PIWIL1: variants seen among roughly 807,000 people sequenced by gnomAD.
The protein encoded by PIWIL1 is piwi like RNA-mediated gene silencing 1.
Under a neutral mutation model 114.4 loss-of-function variants are expected in PIWIL1, and 73 were observed. That is an observed-to-expected ratio of 0.64 (90% CI 0.53 to 0.78). PIWIL1 has a LOEUF of 0.78. Ranked by LOEUF, PIWIL1 falls within the 30% of genes least tolerant of loss-of-function variation. The probability of loss-of-function intolerance (pLI) is 0.00; values close to 1 mark genes in which losing one functional copy is unlikely to be tolerated. For missense variants in PIWIL1, 723 were observed against 1,063.1 expected (o/e 0.68, Z 4.45); for synonymous variants, 375 against 369.0 (o/e 1.02, Z -0.19).
the PIWIL1 span, among the ~76,000 whole-genome samples, chr12:130,386,343 T>A: frequency 6.6e-6 from 1 of 152,152 alleles, no homozygotes; most frequent in South Asian, 2.1e-4. Flanking sequence ...ATAAGCCCCC[T>A]TGAGCCCATC....
the PIWIL1 span, among the ~76,000 whole-genome samples, chr12:130,395,798 T>G: frequency 1.3e-5 from 2 of 152,186 alleles, no homozygotes; most frequent in African/African-American, 2.4e-5. Context: ...GGAAGTTATA[T>G]TTTGTTGTAT....
the PIWIL1 span, among the ~76,000 whole-genome samples, chr12:130,391,390 A>T: frequency 1.3e-5 from 2 of 152,222 alleles, no homozygotes; most frequent in Admixed American, 1.3e-4. Context: ...AGCCATCTCT[A>T]CAAGGATTTT....
At chr12:130,364,720 G>C (rs2073608465) in intron 18 of PIWIL1, among the ~76,000 whole-genome samples, 1 of 152,130 alleles carries the variant, frequency 6.6e-6, no homozygotes, top group Non-Finnish European at 1.5e-5. Context: ...TCTGTGTGGG[G>C]AGGTGTGGTG....
chr12:130,367,913 G>A (rs540821144), intron 19 of PIWIL1, among the ~76,000 whole-genome samples: 86 of 152,238 alleles, frequency 5.6e-4, no homozygotes, highest in African/African-American at 1.9e-3. Flanking sequence ...TTCTCATGCC[G>A]TAGCCTCCTG....
At chr12:130,385,055 A>G in the PIWIL1 span, among the ~76,000 whole-genome samples, 1 of 152,202 alleles carries the variant, frequency 6.6e-6, no homozygotes, top group Non-Finnish European at 1.5e-5. Flanking sequence ...CACGCTCACC[A>G]TAATACACTA....
chr12:130,414,078 C>T, the PIWIL1 span: 1 of 1,598,330 alleles, frequency 6.3e-7, no homozygotes, highest in African/African-American at 1.3e-5. Flanking sequence ...ATGACCCAGA[C>T]CCGCCTCAGG....
the PIWIL1 span, chr12:130,425,653 C>A: frequency 6.6e-6 from 1 of 152,634 alleles, no homozygotes; most frequent in African/African-American, 2.4e-5. Context: ...CGTCTGCACG[C>A]CATCACTCTC....
chr12:130,393,756 A>T, the PIWIL1 span, among the ~76,000 whole-genome samples: 1 of 152,222 alleles, frequency 6.6e-6, no homozygotes, highest in Admixed American at 6.5e-5. Flanking sequence ...GGATTCCTAG[A>T]AATGAGATTC....
At chr12:130,375,962 G>T (rs1310996621), downstream of PIWIL1, among the ~76,000 whole-genome samples, 1 of 152,126 alleles carries the variant, frequency 6.6e-6, no homozygotes, top group Non-Finnish European at 1.5e-5. Flanking sequence ...TTCCTTCTCA[G>T]TCTCTTGCTG....
chr12:130,404,263 G>GA, the PIWIL1 span, among the ~76,000 whole-genome samples: 4 of 152,082 alleles, frequency 2.6e-5, no homozygotes, highest in Non-Finnish European at 4.4e-5. Flanking sequence ...ATGCTAGGGG[G>GA]AAAAATCATT....
chr12:130,392,601 G>A, the PIWIL1 span, among the ~76,000 whole-genome samples: 555 of 31,156 alleles, frequency 0.018, 1 homozygote, highest in African/African-American at 0.055. Context: ...GTGAGGACCC[G>A]GTCACCGTCA....
chr12:130,423,509 G>T, the PIWIL1 span, among the ~76,000 whole-genome samples: 2 of 151,960 alleles, frequency 1.3e-5, no homozygotes, highest in African/African-American at 2.4e-5. Context: ...GATGAATGAA[G>T]CCTTCAATGA....
At chr12:130,339,212 C>A (rs1039944550) in intron 1 of PIWIL1, among the ~76,000 whole-genome samples, 9 of 152,038 alleles carry the variant, frequency 5.9e-5, no homozygotes, top group Non-Finnish European at 1.0e-4. Context: ...CGGGGGTCCT[C>A]GCGGGTGCTG....
chr12:130,354,361 C>T (rs781629899), intron 9 of PIWIL1, among the ~76,000 whole-genome samples, 176 bp from the exon 10 acceptor site: 1 of 152,144 alleles, frequency 6.6e-6, no homozygotes, highest in African/African-American at 2.4e-5. Context: ...GAAGTCACAA[C>T]CTCTGTTTTA....
At position 130,347,549 on chromosome 12, in the gene PIWIL1, G is replaced by A. The variant is rs962184719; in HGVS notation, c.653+487G>A. 7.9e-5 allele frequency among the ~76,000 whole-genome samples: 12 copies of A among 152,164 alleles called. No individual in the cohort carries two copies. The East Asian group carries it at 1.2e-3, about 15-fold the overall frequency. On this transcript the variant is annotated intron_variant, in intron 6 of 20. Coordinates refer to ENST00000245255, the MANE Select transcript of PIWIL1 (RefSeq NM_004764.5). ...CAATCTGGATAAGGCTGAAATTTTC[G>A]TGAGAATAGTAGGGCATAATACTTG... is the stretch of plus-strand genomic sequence containing the variant.
chr12:130,353,969 T>C (rs1210834638), intron 9 of PIWIL1, among the ~76,000 whole-genome samples: 2 of 151,980 alleles, frequency 1.3e-5, no homozygotes, highest in Non-Finnish European at 2.9e-5. Context: ...GTTTAACAAA[T>C]TGTCAACGCT....
At chr12:130,402,116 C>A in the PIWIL1 span, among the ~76,000 whole-genome samples, 1 of 152,198 alleles carries the variant, frequency 6.6e-6, no homozygotes, top group Non-Finnish European at 1.5e-5. Context: ...ATGTCACTCC[C>A]TTCCCCATGT....
At chr12:130,342,785 A>C (rs1593083471) in intron 2 of PIWIL1, 116 bp downstream of exon 2, 1 of 822,334 alleles carries the variant, frequency 1.2e-6, no homozygotes, top group South Asian at 1.6e-5. Context: ...AGCAAGGGAG[A>C]TCATGCCCTG....
At chr12:130,411,116 C>T in the PIWIL1 span, among the ~76,000 whole-genome samples, 162 of 152,286 alleles carry the variant, frequency 1.1e-3, no homozygotes, top group African/African-American at 3.6e-3. Flanking sequence ...TTGTAAACGG[C>T]ACTACTTTTA....
Sources: allele counts gnomAD v4.1 joint callset (sites outside exome capture counted in the v4.1 genomes callset), GRCh38; gene constraint gnomAD v4.1.1; transcripts MANE v1.5; gene names NCBI Gene and HGNC (gene_info 2026-07-23, HGNC 2026-07-21).